The following PTPRT variants were observed in gnomAD, a reference collection of about 807,000 sequenced individuals.
PTPRT encodes receptor-type tyrosine-protein phosphatase T.
A neutral mutation model predicts 176.8 loss-of-function variants in PTPRT; 56 were observed. The observed-to-expected ratio is 0.32, with a 90% CI of 0.26 to 0.40. PTPRT has a LOEUF of 0.40. Ranked by LOEUF, PTPRT falls within the 10% of genes least tolerant of loss-of-function variation. The probability of loss-of-function intolerance (pLI) is 1.00; values close to 1 mark genes in which losing one functional copy is unlikely to be tolerated. For synonymous variants in PTPRT, 783 were observed against 739.0 expected (o/e 1.06, Z -0.96); for missense variants, 1,540 against 1,908.2 (o/e 0.81, Z 3.60).
intron 7 of PTPRT, among the ~76,000 whole-genome samples, chr20:42,538,280 A>T (rs1392310678): frequency 6.6e-6 from 1 of 152,100 alleles, no homozygotes; most frequent in African/African-American, 2.4e-5. Flanking sequence ...TCAGCAGGAC[A>T]CCCCTCTCAA....
intron 1 of PTPRT, among the ~76,000 whole-genome samples, chr20:43,041,860 A>C (rs908805326): frequency 1.3e-5 from 2 of 152,252 alleles, no homozygotes; most frequent in African/African-American, 4.8e-5. Flanking sequence ...AATTGAGTAC[A>C]TGAGGCAGAA....
chr20:42,751,206 C>A (rs561918593), intron 6 of PTPRT, among the ~76,000 whole-genome samples: 49 of 152,262 alleles, frequency 3.2e-4, no homozygotes, highest in African/African-American at 1.2e-3. Context: ...GAAGCCAGCA[C>A]AGGGGTTTAC....
chr20:43,112,838 C>T (rs1016560546), intron 1 of PTPRT, among the ~76,000 whole-genome samples: 2 of 152,202 alleles, frequency 1.3e-5, no homozygotes, highest in Admixed American at 6.5e-5. Flanking sequence ...GTAACTCATT[C>T]GTGATATAAA....
At chr20:43,154,544 A>G (rs772098171) in intron 1 of PTPRT, among the ~76,000 whole-genome samples, 1 of 152,062 alleles carries the variant, frequency 6.6e-6, no homozygotes, top group Non-Finnish European at 1.5e-5. Context: ...TGTTTTTTCT[A>G]TTTCTGTGAA....
intron 16 of PTPRT, among the ~76,000 whole-genome samples, chr20:42,179,140 T>G (rs1408408240): frequency 6.6e-6 from 1 of 152,208 alleles, no homozygotes; most frequent in Non-Finnish European, 1.5e-5. Context: ...GCAATGTTTT[T>G]GTGAGAACCA....
chr20:43,012,239 C>G (rs999041323), intron 1 of PTPRT, among the ~76,000 whole-genome samples: 1 of 152,186 alleles, frequency 6.6e-6, no homozygotes, highest in Non-Finnish European at 1.5e-5. Flanking sequence ...GAATATTTTT[C>G]ACTCCTAAAA....
At chr20:43,088,333 GGTGTGTGTGTGTGTGTGTGTGT>G (rs67837016) in intron 1 of PTPRT, among the ~76,000 whole-genome samples, 5 of 142,758 alleles carry the variant, frequency 3.5e-5, no homozygotes, top group Non-Finnish European at 7.6e-5. Flanking sequence ...TTTGCTTTGG[GGTGTGTGTGTGTGTGTGTGTGT>G]GTGTGTGTGT....
Position 42,379,284 on chromosome 20 carries a change from C to T in PTPRT, c.1561-26999G>A, listed in dbSNP as rs562455983. On this transcript the variant is annotated intron_variant, in intron 9 of 30. Transcript: ENST00000373187. ...AGTCCCGGGTCAAGCCCCTTTATTG[C>T]AGGAAGATTTCCCTGAATCTCTAGG... is the stretch of plus-strand genomic sequence containing the variant. Among the ~76,000 whole-genome samples, 53 of 152,330 alleles carry T rather than the reference C, an allele frequency of 3.5e-4. 1 individual carries two copies. Among genetic ancestry groups the T allele is most frequent in the Admixed American group, 5.9e-4 (9 of 15,302 alleles).
intron 14 of PTPRT, among the ~76,000 whole-genome samples, chr20:42,247,403 T>C (rs1331722655): frequency 6.6e-6 from 1 of 152,216 alleles, no homozygotes; most frequent in Non-Finnish European, 1.5e-5. Flanking sequence ...AATGGGGATA[T>C]TGCTTTTAAA....
At chr20:42,474,392 T>C (rs952914378) in intron 7 of PTPRT, among the ~76,000 whole-genome samples, 1 of 152,208 alleles carries the variant, frequency 6.6e-6, no homozygotes, top group Non-Finnish European at 1.5e-5. Flanking sequence ...TTCACAGGAA[T>C]GTCAGGGAAC....
intron 1 of PTPRT, among the ~76,000 whole-genome samples, chr20:42,947,850 T>A (rs771858946): frequency 6.6e-6 from 1 of 152,128 alleles, no homozygotes; most frequent in Non-Finnish European, 1.5e-5. Context: ...TCACTGAATC[T>A]AATGACCACT....
At chr20:42,102,437 A>C (rs1170108602) in intron 25 of PTPRT, 140 bp from the exon 26 acceptor site, 2 of 916,890 alleles carry the variant, frequency 2.2e-6, no homozygotes, top group African/African-American at 3.3e-5. Context: ...CCCGGGACCC[A>C]TTTCTCTTCC....
In PTPRT at chr20:42,306,979, G is replaced by A. The variant is rs947169861; in HGVS notation, c.2139+8744C>T. Among the ~76,000 whole-genome samples, 10 of 152,180 alleles carry A rather than the reference G, an allele frequency of 6.6e-5. 1 individual carries two copies. The highest frequency in any genetic ancestry group is 2.4e-4 in the African/African-American group (10 of 41,444). On this transcript the variant is annotated intron_variant, in intron 12 of 30. Coordinates refer to ENST00000373187, the MANE Select transcript of PTPRT (RefSeq NM_007050.6). ...CACCTTGCTTAATATCTGAGACACA[G>A]CAGATGCTCAAGCAATTGAAATTCC...
At chr20:42,766,182 C>A (rs901776739) in intron 5 of PTPRT, among the ~76,000 whole-genome samples, 2 of 152,142 alleles carry the variant, frequency 1.3e-5, no homozygotes, top group African/African-American at 4.8e-5. Context: ...AGTGGCTATT[C>A]CCCTTGGAAT....
chr20:42,236,929 T>C (rs1600712879), intron 14 of PTPRT, among the ~76,000 whole-genome samples: 1 of 152,050 alleles, frequency 6.6e-6, no homozygotes, highest in South Asian at 2.1e-4. Context: ...TCTGGGACTT[T>C]CCAAGCTGGG....
At chr20:42,997,513 C>T (rs191847766) in intron 1 of PTPRT, among the ~76,000 whole-genome samples, 4 of 152,274 alleles carry the variant, frequency 2.6e-5, no homozygotes, top group African/African-American at 7.2e-5. Flanking sequence ...GAGCCATTTT[C>T]CAGCCCTCAA....
intron 1 of PTPRT, among the ~76,000 whole-genome samples, chr20:43,143,023 C>T (rs1437917277): frequency 6.6e-6 from 1 of 152,202 alleles, no homozygotes; most frequent in Non-Finnish European, 1.5e-5. Flanking sequence ...ACTTGTCTAA[C>T]AGCAACAGGC....
chr20:42,083,664 G>T (rs1449233901), intron 29 of PTPRT, among the ~76,000 whole-genome samples: 1 of 152,136 alleles, frequency 6.6e-6, no homozygotes, highest in East Asian at 1.9e-4. Flanking sequence ...TCAATTCTGA[G>T]GTCAGTCAGA....
At chr20:42,083,719 AAG>A (rs1453386964) in intron 29 of PTPRT, among the ~76,000 whole-genome samples, 2 of 152,228 alleles carry the variant, frequency 1.3e-5, no homozygotes, top group East Asian at 3.8e-4. Flanking sequence ...TGTTGTAAGA[AAG>A]AGAAGACCTT....
Sources: gnomAD v4.1 joint callset for allele counts (sites outside exome capture counted in the v4.1 genomes callset) on GRCh38, gnomAD v4.1.1 for gene constraint, MANE v1.5 for transcripts, NCBI Gene and HGNC (gene_info 2026-07-23, HGNC 2026-07-21) for gene names.